SLC26A5: variants seen among roughly 807,000 people sequenced by gnomAD.
SLC26A5 encodes the protein solute carrier family 26 member 5.
SLC26A5 carries 51 observed loss-of-function variants against 81.0 expected under a neutral mutation model. That is an observed-to-expected ratio of 0.63 (90% CI 0.50 to 0.80). The LOEUF (loss-of-function observed/expected upper bound fraction) is 0.80. SLC26A5 is among the 30% of genes least tolerant of loss of function. SLC26A5 has a pLI of 0.00. For synonymous variants in SLC26A5, 325 were observed against 332.8 expected, an observed-to-expected ratio of 0.98 and a Z score of 0.25; for missense variants, 771 against 905.8, an observed-to-expected ratio of 0.85 and a Z score of 1.91.
rs35936603 is a variant in SLC26A5, at chr7:103,359,138, C to CTTTTTT, written c.2042-6218_2042-6213dup. Among the ~76,000 whole-genome samples, 44 of 31,320 alleles carry CTTTTTT rather than the reference C, an allele frequency of 1.4e-3. 3 individuals carry two copies. The highest frequency in any genetic ancestry group is 3.0e-3 in the African/African-American group (28 of 9,436). 20.5% of individuals were successfully genotyped at this position (31,320 alleles called of 152,430 possible). ...CAGGTGCATACCACCCCATGTCTGG[C>CTTTTTT]TTTTTTTTTTTTTTTTTTTTTTTTT... On this transcript the variant is annotated intron_variant, in intron 19 of 19. Coordinates refer to the SLC26A5 transcript ENST00000339444.
chr7:103,377,853 T>C lies in SLC26A5; in HGVS notation c.1786-54A>G, dbSNP rs750379585. The C allele has an allele frequency of 1.6e-5, 25 of 1,541,694 alleles. 1 individual carries two copies. In the South Asian group the frequency reaches 2.3e-4, roughly 14 times the overall value. On this transcript the variant is annotated intron_variant, in intron 17 of 19. Coordinates refer to ENST00000306312, the MANE Select transcript of SLC26A5 (RefSeq NM_198999.3). ...TTTTATGAACAACTCACATTTCTGG[T>C]TGTGAGAAAGATTTATAATGGAAAA...
intron 8 of SLC26A5, among the ~76,000 whole-genome samples, chr7:103,399,116 T>C (rs923691801): frequency 1.3e-5 from 2 of 152,136 alleles, no homozygotes; most frequent in Non-Finnish European, 2.9e-5. Context: ...TAATAAAAAA[T>C]AAATTTGACA....
rs767552331 is a variant in SLC26A5 at position 103,410,436 on chromosome 7, A to G, written c.684T>C (p.Tyr228=). ...AVHVFTSMLK[Y]LFGVKTKRYS... is the part of the protein sequence containing the mutation. ...ACCGCTTTGTTTTAACTCCAAACAGATATTTTAACATGGAGGTGAAGACAT... is the reference window on the plus strand; with the variant it reads ...ACCGCTTTGTTTTAACTCCAAACAGGTATTTTAACATGGAGGTGAAGACAT... Residue 228 remains tyrosine, a synonymous_variant, in exon 7 of 20, where the codon TAT becomes TAC. Transcript: ENST00000306312. The G allele has an allele frequency of 6.0e-5, 97 of 1,614,088 alleles. No homozygotes were observed. The highest frequency in any genetic ancestry group is 1.3e-4 in the South Asian group (12 of 91,078).
intron 10 of SLC26A5, among the ~76,000 whole-genome samples, 185 bp downstream of exon 10, chr7:103,392,734 T>C (rs1049314768): frequency 2.6e-5 from 4 of 152,146 alleles, no homozygotes; most frequent in Non-Finnish European, 4.4e-5. Context: ...CCTGCCACCA[T>C]GCCCGGCTAA....
chr7:103,409,273 C>T (rs914085234), intron 7 of SLC26A5, among the ~76,000 whole-genome samples: 1 of 152,256 alleles, frequency 6.6e-6, no homozygotes. Flanking sequence ...ATCTTGGCAC[C>T]TAGCAGTGTC....
At chr7:103,389,461 T>C in intron 12 of SLC26A5, 37 bp from the exon 13 acceptor site, 2 of 1,474,948 alleles carry the variant, frequency 1.4e-6, no homozygotes, top group Non-Finnish European at 1.9e-6. Context: ...TCTCCTCTTG[T>C]GTCCACAGAG....
intron 4 of SLC26A5, among the ~76,000 whole-genome samples, chr7:103,420,336 C>T (rs1367363772): frequency 2.1e-5 from 3 of 141,462 alleles, no homozygotes; most frequent in African/African-American, 7.9e-5. Context: ...CACTCTGTCT[C>T]CCAGGCCGGA....
intron 2 of SLC26A5, among the ~76,000 whole-genome samples, chr7:103,430,450 T>G (rs1825993293): frequency 1.3e-5 from 2 of 152,172 alleles, no homozygotes; most frequent in Admixed American, 1.3e-4. Flanking sequence ...TTTCCTTATC[T>G]GTAAATGGCA....
chr7:103,387,699 G>T (rs1356624103), intron 14 of SLC26A5, among the ~76,000 whole-genome samples: 1 of 152,036 alleles, frequency 6.6e-6, no homozygotes, highest in Non-Finnish European at 1.5e-5. Context: ...AAAATTTTTT[G>T]AGATGGAGTT....
chr7:103,406,720 A>G (rs756495186), intron 8 of SLC26A5, among the ~76,000 whole-genome samples: 1 of 152,082 alleles, frequency 6.6e-6, no homozygotes, highest in Non-Finnish European at 1.5e-5. Context: ...CAGAGGTGTG[A>G]TCTTGGCTCA....
intron 9 of SLC26A5, among the ~76,000 whole-genome samples, chr7:103,396,011 A>G (rs1004369873): frequency 2.0e-5 from 3 of 152,124 alleles, no homozygotes; most frequent in Non-Finnish European, 2.9e-5. Flanking sequence ...TGTAGCTCTC[A>G]CAACTGCCCT....
At chr7:103,382,193 T>C (rs1821850860) in intron 14 of SLC26A5, among the ~76,000 whole-genome samples, 1 of 152,054 alleles carries the variant, frequency 6.6e-6, no homozygotes. Flanking sequence ...GGAGAGGGAA[T>C]TTTTGTTTGT....
At position 103,390,224 on chromosome 7, in the gene SLC26A5, G is replaced by T. The variant is rs72655389; in HGVS notation, c.1311+205C>A. 2.0e-4 allele frequency among the ~76,000 whole-genome samples: 30 copies of T among 152,258 alleles called. 1 individual carries two copies. The highest frequency in any genetic ancestry group is 7.2e-4 in the African/African-American group (30 of 41,540). On this transcript the variant is annotated intron_variant, in intron 12 of 19. Coordinates refer to ENST00000306312, the MANE Select transcript of SLC26A5 (RefSeq NM_198999.3). ...CAGATAAGGAAACCGAGACTCAGAG[G>T]AGTTAAGATGGCTTTCCCCAGGTCC...
chr7:103,359,138 C>CTTTTT lies in SLC26A5; in HGVS notation c.2042-6217_2042-6213dup, dbSNP rs35936603. Among the ~76,000 whole-genome samples the CTTTTT allele has an allele frequency of 9.3e-3, 291 of 31,288 alleles. 27 individuals are homozygous for CTTTTT. Among genetic ancestry groups the CTTTTT allele is most frequent in the African/African-American group, 0.015 (139 of 9,418 alleles). The allele number at this position is 31,288 out of a possible 152,430, so 20.5% of individuals were successfully genotyped here. ...CAGGTGCATACCACCCCATGTCTGG[C>CTTTTT]TTTTTTTTTTTTTTTTTTTTTTTTT... On this transcript the variant is annotated intron_variant, in intron 19 of 19. Transcript: ENST00000339444.
intron 2 of SLC26A5, among the ~76,000 whole-genome samples, chr7:103,427,029 A>G (rs1825750611): frequency 6.6e-6 from 1 of 152,142 alleles, no homozygotes; most frequent in Non-Finnish European, 1.5e-5. Flanking sequence ...CGCCACAGGC[A>G]GGAAGGGAGG....
At chr7:103,372,722 T>C (rs1821106227), downstream of SLC26A5, among the ~76,000 whole-genome samples, 1 of 152,172 alleles carries the variant, frequency 6.6e-6, no homozygotes, top group Non-Finnish European at 1.5e-5. Flanking sequence ...ACATGGTCTT[T>C]AATGCTACTT....
chr7:103,399,970 T>C (rs1329746687), intron 8 of SLC26A5, among the ~76,000 whole-genome samples: 3 of 152,148 alleles, frequency 2.0e-5, no homozygotes, highest in African/African-American at 4.8e-5. Context: ...CAGTCTATCA[T>C]TGATGGGCAT....
At chr7:103,394,634 T>C (rs1822941523) in intron 9 of SLC26A5, among the ~76,000 whole-genome samples, 1 of 152,170 alleles carries the variant, frequency 6.6e-6, no homozygotes, top group African/African-American at 2.4e-5. Context: ...TACAAAACCA[T>C]GAAGAACCTG....
chr7:103,363,388 T>C lies in SLC26A5; in HGVS notation c.2042-10462A>G, dbSNP rs772310528. The C allele has an allele frequency of 3.7e-6, 6 of 1,614,074 alleles. No homozygotes were observed. In the South Asian group the frequency reaches 6.6e-5, roughly 18 times the overall value. On this transcript the variant is annotated intron_variant, in intron 19 of 19. Coordinates refer to the SLC26A5 transcript ENST00000339444. Reference sequence around the variant, plus strand: ...TCACATACAGTGATGTTGGTGGCTGTAAGGAACAGATTGAGAAACTGCGAG... The same window carrying C: ...TCACATACAGTGATGTTGGTGGCTGCAAGGAACAGATTGAGAAACTGCGAG...
Sources: gnomAD v4.1 joint callset for allele counts (sites outside exome capture counted in the v4.1 genomes callset) on GRCh38, gnomAD v4.1.1 for gene constraint, MANE v1.5 for transcripts, NCBI Gene and HGNC (gene_info 2026-07-23, HGNC 2026-07-21) for gene names.